Variants in EFCAB12 observed in about 807,000 individuals in gnomAD.
EFCAB12 encodes EF-hand calcium binding domain 12.
EFCAB12 carries 43 observed loss-of-function variants against 53.6 expected under a neutral mutation model. The ratio of observed to expected loss-of-function variants is 0.80; its 90% CI spans 0.63 to 1.03. The LOEUF is 1.03. Among genes scored for constraint, EFCAB12 ranks in the 50% least tolerant of loss-of-function variants. The pLI is 0.00. For synonymous variants in EFCAB12, 269 were observed against 289.2 expected, an observed-to-expected ratio of 0.93 and a Z score of 0.71; for missense variants, 646 against 730.6, an observed-to-expected ratio of 0.88 and a Z score of 1.34.
intron 6 of EFCAB12, among the ~76,000 whole-genome samples, chr3:129,406,017 A>T (rs1221944717): frequency 1.3e-5 from 2 of 151,362 alleles, no homozygotes; most frequent in Non-Finnish European, 2.9e-5. Flanking sequence ...GTTCGAGATC[A>T]GCCTGGGCAA....
intron 6 of EFCAB12, among the ~76,000 whole-genome samples, chr3:129,407,631 AGGCCG>A (rs2071970197): frequency 6.6e-6 from 1 of 152,156 alleles, no homozygotes; most frequent in Non-Finnish European, 1.5e-5. Context: ...TACATTCACC[AGGCCG>A]GGTGCGGTGG....
Position 129,421,382 on chromosome 3 carries a change from A to G in EFCAB12, c.471T>C (p.Thr157=). ...GGCTGCTCACCCTGGTGGTCCTGGT[A>G]GTTGCCTGGGAGGCATTTGGCTGGG... ...QSAQPNASQA[T]TRTTRKKAPR... is the part of the protein sequence containing the mutation. The change falls in exon 2 of 9, where the codon ACT becomes ACC. Residue 157 remains threonine (T), a synonymous_variant. Transcript: ENST00000505956. The G allele has an allele frequency of 6.2e-7, 1 of 1,606,782 alleles. No individual in the cohort carries two copies. Among genetic ancestry groups the G allele is most frequent in the Non-Finnish European group, 8.5e-7 (1 of 1,174,210 alleles).
At chr3:129,409,835 G>T (rs191486668) in intron 5 of EFCAB12, among the ~76,000 whole-genome samples, 1 of 152,266 alleles carries the variant, frequency 6.6e-6, no homozygotes, top group African/African-American at 2.4e-5. Flanking sequence ...CTTTACAGGG[G>T]AACTTTGCTG....
chr3:129,401,550 C>A lies in EFCAB12; in HGVS notation c.*43G>T, dbSNP rs561975947. The A allele has an allele frequency of 8.8e-6, 13 of 1,481,984 alleles. No homozygotes were observed. In the African/African-American group the frequency reaches 1.8e-4, roughly 21 times the overall value. The allele number at this position is 1,481,984 out of a possible 1,614,324, so 91.8% of individuals were successfully genotyped here. On this transcript the variant is annotated 3_prime_UTR_variant, in exon 9 of 9. Coordinates refer to ENST00000505956, the MANE Select transcript of EFCAB12 (RefSeq NM_207307.3). ...GGCTCTGGGCCGCTGGCTGCACTGG[C>A]CCCTGGCCCAGGAAGGCTGGGTCCG...
intron 1 of EFCAB12, among the ~76,000 whole-genome samples, chr3:129,425,405 C>T (rs1269918343): frequency 3.9e-5 from 6 of 152,160 alleles, no homozygotes; most frequent in East Asian, 3.9e-4. Context: ...TCCCAGCCCC[C>T]GCCCCCTCAC....
chr3:129,404,110 C>T (rs2071913431), intron 7 of EFCAB12, 140 bp downstream of exon 7: 7 of 1,138,890 alleles, frequency 6.1e-6, no homozygotes, highest in Non-Finnish European at 8.6e-6. Flanking sequence ...AGTGAGCAGT[C>T]AGGTTGGGGG....
intron 5 of EFCAB12, 64 bp downstream of exon 5, chr3:129,411,094 G>A (rs73202270): frequency 0.051 from 77,704 of 1,514,456 alleles, 2,251 homozygotes; most frequent in Non-Finnish European, 0.06. Context: ...GTGCTGCTGC[G>A]GTGATCTGAA....
At chr3:129,406,818 G>GT (rs1559784049) in intron 6 of EFCAB12, among the ~76,000 whole-genome samples, 24 of 151,726 alleles carry the variant, frequency 1.6e-4, no homozygotes, top group African/African-American at 5.1e-4. Flanking sequence ...GTGACCGTTG[G>GT]AGGGGGGAGA....
intron 3 of EFCAB12, 33 bp downstream of exon 3, chr3:129,418,221 T>C (rs1263310424): frequency 6.3e-7 from 1 of 1,575,142 alleles, no homozygotes; most frequent in Non-Finnish European, 8.6e-7. Flanking sequence ...CCTGCCCACT[T>C]AGGCCCATCC....
intron 4 of EFCAB12, chr3:129,412,635 C>G (rs117879482): frequency 6.5e-6 from 1 of 152,824 alleles, no homozygotes; most frequent in Non-Finnish European, 1.5e-5. Flanking sequence ...CACCCTTCAC[C>G]CATTCCACCC....
At chr3:129,417,522 C>T (rs1396832621) in intron 3 of EFCAB12, among the ~76,000 whole-genome samples, 1 of 152,054 alleles carries the variant, frequency 6.6e-6, no homozygotes, top group Admixed American at 6.6e-5. Flanking sequence ...TCCAATAAAA[C>T]TCTATTTAAA....
chr3:129,417,192 G>A (rs989186866), intron 3 of EFCAB12, among the ~76,000 whole-genome samples: 4 of 151,490 alleles, frequency 2.6e-5, no homozygotes, highest in Non-Finnish European at 5.9e-5. Flanking sequence ...GGGCGTGGTG[G>A]TGCACGCCTA....
At chr3:129,418,553 A>C in intron 2 of EFCAB12, 105 bp from the exon 3 acceptor site, 1 of 1,074,068 alleles carries the variant, frequency 9.3e-7, no homozygotes, top group South Asian at 1.9e-5. Flanking sequence ...AGCAGCTCTA[A>C]ATAGCAGGAT....
chr3:129,420,016 A>G (rs2072169218), intron 2 of EFCAB12, among the ~76,000 whole-genome samples: 1 of 152,214 alleles, frequency 6.6e-6, no homozygotes, highest in Admixed American at 6.5e-5. Flanking sequence ...GGTTTTCCCA[A>G]TGCCACACAG....
rs2072188384 is a variant in EFCAB12, at chr3:129,421,604, G to A, written c.249C>T (p.Pro83=). Residue 83 remains proline, a synonymous_variant, in exon 2 of 9, where the codon CCC becomes CCT. Transcript: ENST00000505956. ...PASQPQAPPK[P]IPSFKVLEAR... ...CTTCCAGAACTTTGAAGCTGGGGAT[G>A]GGCTTTGGGGGAGCCTGAGGTTGGG... The A allele has an allele frequency of 6.8e-6, 11 of 1,613,894 alleles. No homozygotes were observed. Among genetic ancestry groups the A allele is most frequent in the Admixed American group, 1.7e-5 (1 of 60,004 alleles).
At chr3:129,412,429 GATA>G (rs2072054994) in intron 4 of EFCAB12, 1 of 7,020 alleles carries the variant, frequency 1.4e-4, no homozygotes, top group Non-Finnish European at 9.9e-4. Flanking sequence ...TAGATGGATG[GATA>G]GATAGATAGA....
chr3:129,410,217 C>T (rs939199215), intron 5 of EFCAB12, among the ~76,000 whole-genome samples: 13 of 151,336 alleles, frequency 8.6e-5, no homozygotes, highest in African/African-American at 3.2e-4. Context: ...GCTGTGTTGC[C>T]CAGGCTGGTC....
chr3:129,411,652 T>G, intron 4 of EFCAB12: 3 of 243,136 alleles, frequency 1.2e-5, no homozygotes, highest in Non-Finnish European at 2.4e-5. Context: ...ATATAGAGTA[T>G]AGCCAGGCGC....
chr3:129,415,054 CACTCAAGGGAATATCT>C (rs1211487349), intron 4 of EFCAB12, 175 bp downstream of exon 4: 1 of 544,902 alleles, frequency 1.8e-6, no homozygotes, highest in African/African-American at 2.0e-5. Flanking sequence ...GGTAGCTGGG[CACTCAAGGGAATATCT>C]ACTCCTTAGT....
Sources: gnomAD v4.1 joint callset for allele counts (sites outside exome capture counted in the v4.1 genomes callset) on GRCh38, gnomAD v4.1.1 for gene constraint, MANE v1.5 for transcripts, NCBI Gene and HGNC (gene_info 2026-07-23, HGNC 2026-07-21) for gene names.